Variants in ASB9 observed in about 807,000 individuals in gnomAD.
ASB9 encodes ankyrin repeat and SOCS box containing 9.
In ASB9, 5 loss-of-function variants were observed where a neutral mutation model predicts 16.6. That is an observed-to-expected ratio of 0.30 (90% CI 0.16 to 0.63). The LOEUF is 0.63. Ranked by LOEUF, ASB9 falls within the 30% of genes least tolerant of loss-of-function variation. The probability of loss-of-function intolerance (pLI) is 0.82; values close to 1 mark genes in which losing one functional copy is unlikely to be tolerated. For synonymous variants in ASB9, 100 were observed against 86.4 expected, an observed-to-expected ratio of 1.16 and a Z score of -0.87; for missense variants, 216 against 229.4, an observed-to-expected ratio of 0.94 and a Z score of 0.38.
chrX:15,256,634 G>A (rs1420551084), intron 2 of ASB9, among the ~76,000 whole-genome samples: 5 of 104,913 alleles, frequency 4.8e-5, no homozygotes, highest in African/African-American at 1.4e-4. Context: ...AAAATTAGCC[G>A]GGCGAGGTGG....
rs181335328 is a variant in ASB9, at chrX:15,252,594, G to A, written c.283-190C>T. On this transcript the variant is annotated intron_variant, in intron 3 of 6. Transcript: ENST00000380488. ...AATTAGGGAGTGGCTATAAAGCATC[G>A]AAAATGTTACTCAATGTTCTATCTC... 8.0e-5 allele frequency among the ~76,000 whole-genome samples: 9 copies of A among 112,068 alleles called. No individual in the cohort carries two copies. In the East Asian group the frequency reaches 2.2e-3, roughly 28 times the overall value.
At chrX:15,252,642 T>C (rs1307001497) in intron 3 of ASB9, among the ~76,000 whole-genome samples, 1 of 111,952 alleles carries the variant, frequency 8.9e-6, no homozygotes, top group Non-Finnish European at 1.9e-5. Context: ...CCCAGGAACA[T>C]GAACTTTGAA....
chrX:15,252,636 G>C (rs1318207400), intron 3 of ASB9, among the ~76,000 whole-genome samples: 1 of 111,813 alleles, frequency 8.9e-6, no homozygotes, highest in Non-Finnish European at 1.9e-5. Flanking sequence ...GCCCTCCCCA[G>C]GAACATGAAC....
intron 5 of ASB9, 76 bp from the exon 6 acceptor site, chrX:15,249,011 C>A: frequency 1.0e-6 from 1 of 999,654 alleles, no homozygotes; most frequent in Non-Finnish European, 1.3e-6. Flanking sequence ...AGCCCCGAGC[C>A]CCAAAATTTC....
chrX:15,269,983 G>C lies in ASB9; in HGVS notation c.-109C>G. The C allele has an allele frequency of 1.7e-6, 1 of 583,647 alleles. No individual in the cohort carries two copies. Among genetic ancestry groups the C allele is most frequent in the East Asian group, 3.6e-5 (1 of 27,941 alleles). The allele number at this position is 583,647 out of a possible 1,213,427, so 48.1% of individuals were successfully genotyped here. On this transcript the variant is annotated 5_prime_UTR_variant, in exon 1 of 7. Coordinates refer to ENST00000380488, the MANE Select transcript of ASB9 (RefSeq NM_001031739.3). ...AAAAATTCCAGTTCTGTGGCTGGCT[G>C]AGCTGCACACGTTCTGGTCAAATGG...
chrX:15,257,888 T>TG (rs1925706584), intron 2 of ASB9, among the ~76,000 whole-genome samples: 1 of 111,819 alleles, frequency 8.9e-6, no homozygotes, highest in African/African-American at 3.3e-5. Flanking sequence ...TCTTGCATGG[T>TG]GGGGCTTGTC....
intron 1 of ASB9, among the ~76,000 whole-genome samples, chrX:15,264,048 G>A (rs1014887396): frequency 8.9e-6 from 1 of 111,748 alleles, no homozygotes; most frequent in African/African-American, 3.3e-5. Flanking sequence ...TGTTGTCGCC[G>A]AGTCCTAGAG....
At chrX:15,254,024 G>C (rs967517202) in intron 3 of ASB9, among the ~76,000 whole-genome samples, 1 of 111,503 alleles carries the variant, frequency 9.0e-6, no homozygotes, top group Non-Finnish European at 1.9e-5. Context: ...ACCTTGACAC[G>C]TTCCCTGTTT....
intron 1 of ASB9, among the ~76,000 whole-genome samples, chrX:15,267,404 C>CGTTTAAAAAAAAAGA (rs1225257221): frequency 9.0e-5 from 6 of 66,748 alleles, no homozygotes; most frequent in Admixed American, 2.0e-4. Context: ...AGCGAGACTC[C>CGTTTAAAAAAAAAGA]ATCTAAAAAA....
chrX:15,244,694 A>AGG (rs1924516361), intron 6 of ASB9, 64 bp from the exon 7 acceptor site: 1 of 1,029,279 alleles, frequency 9.7e-7, no homozygotes, highest in Non-Finnish European at 1.3e-6. Context: ...CTTTTTTTTA[A>AGG]AAAAAAAAAG....
chrX:15,261,468 C>T (rs746935253), intron 1 of ASB9, among the ~76,000 whole-genome samples: 32 of 111,627 alleles, frequency 2.9e-4, no homozygotes, highest in Non-Finnish European at 5.3e-4. Context: ...CTAAACAGTC[C>T]AGGCAGGTAG....
rs201922827 is a variant in ASB9 at position 15,248,928 on chromosome X, G to A, written c.576C>T (p.Asp192=). 9 of 1,186,752 alleles carry A rather than the reference G, an allele frequency of 7.6e-6. No individual in the cohort carries two copies. Among genetic ancestry groups the A allele is most frequent in the Non-Finnish European group, 1.0e-5 (9 of 882,074 alleles). Reference sequence around the variant, plus strand: ...AATCCTGACCTTTCCCTTGGTTCACGTCCGCTCCTAAACAGTCACGAGAAC... The same window carrying A: ...AATCCTGACCTTTCCCTTGGTTCACATCCGCTCCTAAACAGTCACGAGAAC... ...CVKKLLESGA[D]VNQGKGQDSP... The change falls in exon 6 of 7, where the codon GAC becomes GAT. Residue 192 remains aspartate (D), a synonymous_variant. Transcript: ENST00000380488.
rs759273020 is a variant in ASB9 at position 15,248,853 on chromosome X, C to T, written c.651G>A (p.Leu217=). The T allele has an allele frequency of 5.0e-6, 6 of 1,211,339 alleles. No individual in the cohort carries two copies. In the Admixed American group the frequency reaches 1.3e-4, roughly 26 times the overall value. The change falls in exon 6 of 7, where the codon CTG becomes CTA. Residue 217 remains leucine (L), a synonymous_variant. Transcript: ENST00000380488. ...GGGTGTCCGCTCCAAAATCCATGAG[C>T]AGGCAGGCCAGCTCTTCACTGGCTG... is the stretch of plus-strand genomic sequence containing the variant. ...ARTASEELAC[L]LMDFGADTQA...
chrX:15,265,795 C>T (rs1468667097), intron 1 of ASB9, among the ~76,000 whole-genome samples: 3 of 107,920 alleles, frequency 2.8e-5, no homozygotes, highest in Non-Finnish European at 5.7e-5. Context: ...TGCCAACACA[C>T]CCAGCTAATT....
At chrX:15,244,692 TA>T (rs35732224) in intron 6 of ASB9, 62 bp from the exon 7 acceptor site, 1,290 of 954,240 alleles carry the variant, frequency 1.4e-3, no homozygotes, top group Non-Finnish European at 1.5e-3. Context: ...TCCTTTTTTT[TA>T]AAAAAAAAAA....
intron 2 of ASB9, among the ~76,000 whole-genome samples, chrX:15,256,012 C>T (rs1191605367): frequency 9.0e-6 from 1 of 111,465 alleles, no homozygotes; most frequent in Non-Finnish European, 1.9e-5. Flanking sequence ...GATTTCCTAG[C>T]TCTATCATAG....
rs780282231 is a variant in ASB9 at position 15,267,417 on chromosome X, A to AAAAT, written c.94+2363_94+2364insATTT. The stretch of plus-strand genomic sequence containing the variant: ...AGAGCGAGACTCCATCTAAAAAAAA[A>AAAAT]ATATATATATATATATAATTATATA... On this transcript the variant is annotated intron_variant, in intron 1 of 6. Coordinates refer to ENST00000380488, the MANE Select transcript of ASB9 (RefSeq NM_001031739.3). Among the ~76,000 whole-genome samples the AAAAT allele has an allele frequency of 1.8e-3, 141 of 77,959 alleles. 1 individual carries two copies. The highest frequency in any genetic ancestry group is 6.3e-3 in the Middle Eastern group (1 of 159). The allele number at this position is 77,959 out of a possible 115,157, so 67.7% of individuals were successfully genotyped here.
intron 6 of ASB9, 59 bp downstream of exon 6, chrX:15,248,685 T>C (rs1312081840): frequency 8.7e-7 from 1 of 1,144,533 alleles, no homozygotes; most frequent in Admixed American, 2.9e-5. Flanking sequence ...ATACCTGCCT[T>C]CTACTAGAGC....
chrX:15,246,529 G>A (rs1321539572), intron 6 of ASB9, among the ~76,000 whole-genome samples: 2 of 111,717 alleles, frequency 1.8e-5, no homozygotes, highest in African/African-American at 6.5e-5. Context: ...AGGCTGGAGT[G>A]CAGTGGTGTG....
Sources: gnomAD v4.1 joint callset for allele counts (sites outside exome capture counted in the v4.1 genomes callset) on GRCh38, gnomAD v4.1.1 for gene constraint, MANE v1.5 for transcripts, NCBI Gene and HGNC (gene_info 2026-07-23, HGNC 2026-07-21) for gene names.